DEFB104B: variants seen among roughly 807,000 people sequenced by gnomAD.
The protein encoded by DEFB104B is beta-defensin 104.
In DEFB104B at chr8:7,472,673, G is replaced by A. The variant is rs1241520244; in HGVS notation, c.59-2157C>T. Among the ~76,000 whole-genome samples, 5 of 127,994 alleles carry A rather than the reference G, an allele frequency of 3.9e-5. 1 individual carries two copies. The highest frequency in any genetic ancestry group is 9.6e-5 in the African/African-American group (3 of 31,364). The allele number at this position is 127,994 out of a possible 152,430, so 84.0% of individuals were successfully genotyped here. The stretch of plus-strand genomic sequence containing the variant: ...AATCTTAGGCAGGTCTCAGGTCTTA[G>A]TTAATGTAGAAAGTTTATTTTGTCA... On this transcript the variant is annotated intron_variant, in intron 1 of 1. Coordinates refer to ENST00000316169, the MANE Select transcript of DEFB104B (RefSeq NM_001040702.1).
chr8:7,473,100 G>T (rs948807905), intron 1 of DEFB104B, among the ~76,000 whole-genome samples: 2 of 142,880 alleles, frequency 1.4e-5, no homozygotes, highest in African/African-American at 5.2e-5. Flanking sequence ...CAAGTGATCT[G>T]CAGACCTCAG....
At chr8:7,474,734 C>T (rs1811068024) in intron 1 of DEFB104B, among the ~76,000 whole-genome samples, 2 of 138,830 alleles carry the variant, frequency 1.4e-5, no homozygotes. Context: ...GGAATTGTTA[C>T]CGTGTGTGGC....
At chr8:7,472,312 T>C (rs1432536076) in intron 1 of DEFB104B, among the ~76,000 whole-genome samples, 2 of 120,956 alleles carry the variant, frequency 1.7e-5, no homozygotes, top group African/African-American at 6.9e-5. Flanking sequence ...AGAAGGAGAA[T>C]AGACTAGGAA....
At chr8:7,474,435 A>T (rs1811060165) in intron 1 of DEFB104B, among the ~76,000 whole-genome samples, 1 of 142,318 alleles carries the variant, frequency 7.0e-6, no homozygotes, top group South Asian at 2.2e-4. Context: ...CTCAGTCTAA[A>T]ATTTCCTGAG....
At chr8:7,471,910 G>A (rs1810958981) in intron 1 of DEFB104B, among the ~76,000 whole-genome samples, 1 of 147,790 alleles carries the variant, frequency 6.8e-6, no homozygotes, top group Admixed American at 6.7e-5. Flanking sequence ...CATTTGTTCT[G>A]GTAAAGAGAA....
chr8:7,472,491 T>C (rs1379708139), intron 1 of DEFB104B, among the ~76,000 whole-genome samples: 1 of 138,774 alleles, frequency 7.2e-6, no homozygotes, highest in Non-Finnish European at 1.5e-5. Flanking sequence ...TGTCTTACAG[T>C]CTCAGTAAAC....
intron 1 of DEFB104B, among the ~76,000 whole-genome samples, chr8:7,474,683 C>T (rs1343714449): frequency 7.1e-6 from 1 of 141,012 alleles, no homozygotes; most frequent in African/African-American, 2.6e-5. Flanking sequence ...TGCAATGGAA[C>T]AAGCATGGCT....
At chr8:7,474,639 C>G (rs552947372) in intron 1 of DEFB104B, among the ~76,000 whole-genome samples, 4 of 141,324 alleles carry the variant, frequency 2.8e-5, no homozygotes, top group South Asian at 2.2e-4. Flanking sequence ...GCATCTTATT[C>G]TACAAAATCA....
Position 7,472,589 on chromosome 8 carries a change from A to G in DEFB104B, c.59-2073T>C, listed in dbSNP as rs1283674986. 2.3e-5 allele frequency among the ~76,000 whole-genome samples: 3 copies of G among 131,008 alleles called. No individual in the cohort carries two copies. The South Asian group carries it at 8.5e-4, about 37-fold the overall frequency. 85.9% of individuals were successfully genotyped at this position (131,008 alleles called of 152,430 possible). On this transcript the variant is annotated intron_variant, in intron 1 of 1. Transcript: ENST00000316169. Reference sequence around the variant, plus strand: ...ATAAATACATTCCAGGGTAGACTACACTACACTAGTTTCTTTCTTGCATAA... The same window carrying G: ...ATAAATACATTCCAGGGTAGACTACGCTACACTAGTTTCTTTCTTGCATAA...
chr8:7,474,601 C>G (rs1413928144), intron 1 of DEFB104B, among the ~76,000 whole-genome samples: 11 of 141,068 alleles, frequency 7.8e-5, no homozygotes, highest in Admixed American at 5.7e-4. Flanking sequence ...CAGAGTAAAG[C>G]TGTTCAGAAG....
chr8:7,472,237 G>GGAAAGTTAGA (rs889695648), intron 1 of DEFB104B, among the ~76,000 whole-genome samples: 1 of 140,078 alleles, frequency 7.1e-6, no homozygotes, highest in Non-Finnish European at 1.5e-5. Flanking sequence ...TTTACAACCT[G>GGAAAGTTAGA]GAGTTAGAGG....
At chr8:7,474,385 G>A (rs1811057216) in intron 1 of DEFB104B, among the ~76,000 whole-genome samples, 1 of 143,580 alleles carries the variant, frequency 7.0e-6, no homozygotes, top group African/African-American at 2.6e-5. Flanking sequence ...CATGCTTCTG[G>A]GGACATAGAT....
At chr8:7,473,208 CG>C (rs1445469633) in intron 1 of DEFB104B, among the ~76,000 whole-genome samples, 1 of 18,588 alleles carries the variant, frequency 5.4e-5, no homozygotes, top group African/African-American at 7.3e-5. Context: ...GTGGGGGTGG[CG>C]GGGGGCCTGT....
At chr8:7,474,106 A>C (rs1811045685) in intron 1 of DEFB104B, among the ~76,000 whole-genome samples, 2 of 141,038 alleles carry the variant, frequency 1.4e-5, no homozygotes, top group Admixed American at 1.4e-4. Flanking sequence ...CATCTGAATC[A>C]CAGTGGAGGC....
At chr8:7,474,699 G>A (rs1811067122) in intron 1 of DEFB104B, among the ~76,000 whole-genome samples, 1 of 140,710 alleles carries the variant, frequency 7.1e-6, no homozygotes, top group South Asian at 2.2e-4. Flanking sequence ...TGGCTAGTGA[G>A]TCCTCACTGC....
At chr8:7,473,290 CAATT>C (rs1167349029) in intron 1 of DEFB104B, among the ~76,000 whole-genome samples, 7 of 54,594 alleles carry the variant, frequency 1.3e-4, no homozygotes, top group Admixed American at 2.9e-4. Context: ...TTCTGGTTGA[CAATT>C]GATTGAGTTT....
chr8:7,474,550 A>G (rs1441231893), intron 1 of DEFB104B, among the ~76,000 whole-genome samples: 1 of 141,324 alleles, frequency 7.1e-6, no homozygotes, highest in African/African-American at 2.6e-5. Context: ...TGATATGAAA[A>G]GTTGCAAAAT....
Position 7,471,189 on chromosome 8 carries a change from TAGAG to T in DEFB104B, c.59-677_59-674del, listed in dbSNP as rs1171499006. ...ATAGGTATATATATATACACATATA[TAGAG>T]AGAGATACATACAAACATAGACATA... On this transcript the variant is annotated intron_variant, in intron 1 of 1. Coordinates refer to ENST00000316169, the MANE Select transcript of DEFB104B (RefSeq NM_001040702.1). Among the ~76,000 whole-genome samples the T allele has an allele frequency of 4.1e-5, 6 of 145,316 alleles. No homozygotes were observed. In the East Asian group the frequency reaches 1.1e-3, roughly 26 times the overall value.
At chr8:7,471,149 T>G (rs542446418) in intron 1 of DEFB104B, among the ~76,000 whole-genome samples, 24 of 151,394 alleles carry the variant, frequency 1.6e-4, no homozygotes, top group Admixed American at 7.2e-4. Flanking sequence ...TGTAGTTATA[T>G]ATCTATGTAT....
Sources: gnomAD v4.1 joint callset for allele counts (sites outside exome capture counted in the v4.1 genomes callset) on GRCh38, gnomAD v4.1.1 for gene constraint, MANE v1.5 for transcripts, NCBI Gene and HGNC (gene_info 2026-07-23, HGNC 2026-07-21) for gene names.